Variants in SPATA17 observed in about 807,000 individuals in gnomAD.
SPATA17 encodes the protein spermatogenesis-associated protein 17.
A neutral mutation model predicts 62.2 loss-of-function variants in SPATA17; 53 were observed. That is an observed-to-expected ratio of 0.85 (90% confidence interval 0.68 to 1.07). The LOEUF (loss-of-function observed/expected upper bound fraction) is 1.07, where lower values mean the gene tolerates loss of function less well. Ranked by LOEUF, SPATA17 falls within the 50% of genes least tolerant of loss-of-function variation. The pLI is 0.00. For synonymous variants in SPATA17, 146 were observed against 146.8 expected (o/e 0.99, Z 0.04); for missense variants, 466 against 425.5 (o/e 1.10, Z -0.84).
chr1:217,711,773 G>C (rs1671870888), intron 5 of SPATA17, among the ~76,000 whole-genome samples: 1 of 152,186 alleles, frequency 6.6e-6, no homozygotes, highest in African/African-American at 2.4e-5. Context: ...AAAGAGGGGA[G>C]GAAGAAGATT....
intron 1 of SPATA17, among the ~76,000 whole-genome samples, chr1:217,633,579 C>T (rs1489450181): frequency 2.6e-5 from 4 of 152,080 alleles, no homozygotes; most frequent in African/African-American, 9.7e-5. Context: ...CTAAAACCTC[C>T]GCTGTTCACT....
At chr1:217,651,066 GA>G in intron 2 of SPATA17, 30 bp from the exon 3 acceptor site, 1 of 1,490,032 alleles carries the variant, frequency 6.7e-7, no homozygotes, top group Non-Finnish European at 9.3e-7. Context: ...TCAATGAAAG[GA>G]TACTAATAAG....
At chr1:217,856,314 G>C (rs542523082) in intron 9 of SPATA17, among the ~76,000 whole-genome samples, 2 of 152,270 alleles carry the variant, frequency 1.3e-5, no homozygotes, top group East Asian at 3.9e-4. Flanking sequence ...ATAAACTCAT[G>C]TATTCATACT....
intron 1 of SPATA17, among the ~76,000 whole-genome samples, chr1:217,635,033 C>A (rs1031852295): frequency 6.6e-6 from 1 of 152,130 alleles, no homozygotes; most frequent in African/African-American, 2.4e-5. Context: ...CTACACTGTA[C>A]TTTGTGGAGA....
At chr1:217,778,618 T>C (rs1673655662) in intron 7 of SPATA17, among the ~76,000 whole-genome samples, 1 of 152,164 alleles carries the variant, frequency 6.6e-6, no homozygotes, top group African/African-American at 2.4e-5. Context: ...GCATACAACT[T>C]TTTAGGAAAT....
At chr1:217,821,059 G>A (rs914787320) in intron 9 of SPATA17, among the ~76,000 whole-genome samples, 38 of 152,054 alleles carry the variant, frequency 2.5e-4, no homozygotes, top group African/African-American at 8.9e-4. Flanking sequence ...CCCATCTCAT[G>A]AGAGCAAGAA....
intron 8 of SPATA17, among the ~76,000 whole-genome samples, chr1:217,793,084 G>GATATAAAGATTTCAAATCTTTATATTT (rs1674038830): frequency 6.6e-6 from 1 of 152,096 alleles, no homozygotes; most frequent in Admixed American, 6.6e-5. Flanking sequence ...ATTGTGTATT[G>GATATAAAGATTTCAAATCTTTATATTT]AGATAAAGAT....
chr1:217,752,972 A>G (rs1672950766), intron 6 of SPATA17, among the ~76,000 whole-genome samples: 1 of 152,184 alleles, frequency 6.6e-6, no homozygotes, highest in Non-Finnish European at 1.5e-5. Context: ...AAATATATTA[A>G]CTAAACCTAG....
chr1:217,786,794 T>TCTTCTTCTTCTTCTC (rs1673881390), intron 8 of SPATA17, among the ~76,000 whole-genome samples: 1 of 151,088 alleles, frequency 6.6e-6, no homozygotes, highest in African/African-American at 2.4e-5. Flanking sequence ...TTCTTCTTCT[T>TCTTCTTCTTCTTCTC]CTTCTTCTTC....
chr1:217,732,836 G>T (rs1385713054), intron 5 of SPATA17, among the ~76,000 whole-genome samples: 1 of 151,932 alleles, frequency 6.6e-6, no homozygotes. Flanking sequence ...TGCTATTATT[G>T]TAGTTATGTC....
At chr1:217,639,316 A>G (rs554501185) in intron 1 of SPATA17, among the ~76,000 whole-genome samples, 14 of 152,290 alleles carry the variant, frequency 9.2e-5, no homozygotes, top group African/African-American at 3.1e-4. Flanking sequence ...AAGACCACAG[A>G]TAAGAATTCT....
At position 217,669,063 on chromosome 1, in the gene SPATA17, T is replaced by A; in HGVS notation, c.271T>A (p.Tyr91Asn). 1 of 1,611,580 alleles carries A rather than the reference T, an allele frequency of 6.2e-7. No homozygotes were observed. The highest frequency in any genetic ancestry group is 2.2e-5 in the East Asian group (1 of 44,718). ...ATATTATACTATGATGATGAATCTC[T>A]ACAATGCAATGGCTGTCAGGGTAAA... ...VAYYTMMMNL[Y>N]NAMAVRIQRR... The change falls in exon 4 of 11, where the codon TAC (tyrosine) becomes AAC (asparagine). Residue 91 changes from tyrosine (Y) to asparagine (N), a missense_variant. Physicochemically the swap from Tyr to Asn is moderately radical, Grantham distance 143 (BLOSUM62 -2). Transcript: ENST00000366933.
intron 9 of SPATA17, among the ~76,000 whole-genome samples, chr1:217,858,324 G>A (rs1348680436): frequency 6.6e-6 from 1 of 152,082 alleles, no homozygotes; most frequent in Non-Finnish European, 1.5e-5. Context: ...GAAAGAACAT[G>A]GTAGGTATAA....
chr1:217,794,115 C>CAAAAAAA (rs376080845), intron 8 of SPATA17, among the ~76,000 whole-genome samples: 1 of 54,730 alleles, frequency 1.8e-5, no homozygotes, highest in Non-Finnish European at 3.7e-5. Flanking sequence ...GACTCCGTCA[C>CAAAAAAA]AAAAAAAAAA....
rs1209224373 is a variant in SPATA17 at position 217,867,166 on chromosome 1, TTGTG to T, written c.*151_*154del. ...TGTAGCTCTAGTCATGAATTAATTA[TTGTG>T]TGTATGTATTTGAAATCTCTTAGAC... On this transcript the variant is annotated 3_prime_UTR_variant, in exon 11 of 11. Transcript: ENST00000366933. 4 of 152,180 alleles carry T rather than the reference TTGTG, an allele frequency of 2.6e-5. No individual in the cohort carries two copies. The East Asian group carries it at 7.7e-4, about 29-fold the overall frequency. The allele number at this position is 152,180 out of a possible 1,614,324, so 9.4% of individuals were successfully genotyped here.
At chr1:217,679,909 A>T (rs1369933908) in intron 4 of SPATA17, among the ~76,000 whole-genome samples, 1 of 152,172 alleles carries the variant, frequency 6.6e-6, no homozygotes, top group East Asian at 1.9e-4. Context: ...AGAAATGGGA[A>T]TATCCATTTC....
chr1:217,697,733 A>G (rs929832439), intron 5 of SPATA17, among the ~76,000 whole-genome samples: 31 of 152,278 alleles, frequency 2.0e-4, no homozygotes, highest in African/African-American at 7.2e-4. Flanking sequence ...GTAAATTTGA[A>G]CAACAAAAAT....
intron 9 of SPATA17, among the ~76,000 whole-genome samples, chr1:217,806,403 G>A (rs1035942677): frequency 6.6e-6 from 1 of 152,114 alleles, no homozygotes; most frequent in African/African-American, 2.4e-5. Context: ...AGAAGGAAAC[G>A]GTCCTGCTCC....
intron 5 of SPATA17, among the ~76,000 whole-genome samples, chr1:217,689,836 T>C (rs940008971): frequency 6.6e-6 from 1 of 152,132 alleles, no homozygotes; most frequent in Non-Finnish European, 1.5e-5. Flanking sequence ...TCTCCATTTT[T>C]GATCCTAGTC....
Sources: gnomAD v4.1 joint callset for allele counts (sites outside exome capture counted in the v4.1 genomes callset) on GRCh38, gnomAD v4.1.1 for gene constraint, MANE v1.5 for transcripts, NCBI Gene and HGNC (gene_info 2026-07-23, HGNC 2026-07-21) for gene names.